Variants in ROBO2 observed in about 807,000 individuals in gnomAD.
ROBO2 encodes the protein roundabout guidance receptor 2.
A neutral mutation model predicts 160.8 loss-of-function variants in ROBO2; 53 were observed. That is an observed-to-expected ratio of 0.33 (90% CI 0.26 to 0.41). The LOEUF is 0.41. Among genes scored for constraint, ROBO2 ranks in the 10% least tolerant of loss-of-function variants. ROBO2 has a pLI of 1.00. For missense variants in ROBO2, 1,577 were observed against 1,722.4 expected, an observed-to-expected ratio of 0.92 and a Z score of 1.49; for synonymous variants, 664 against 611.7, an observed-to-expected ratio of 1.09 and a Z score of -1.26.
At chr3:76,478,042 T>TATTATA (rs2079019081) in intron 2 of ROBO2, among the ~76,000 whole-genome samples, 1 of 151,196 alleles carries the variant, frequency 6.6e-6, no homozygotes, top group African/African-American at 2.4e-5. Context: ...TTATTATTAT[T>TATTATA]ATACTTTAAG....
intron 2 of ROBO2, among the ~76,000 whole-genome samples, chr3:77,014,895 G>A (rs1262415876): frequency 6.6e-6 from 1 of 151,944 alleles, no homozygotes. Context: ...TATTAATTAT[G>A]TTTTCATTTA....
chr3:77,106,730 T>A (rs144776708), intron 2 of ROBO2, among the ~76,000 whole-genome samples: 192 of 152,338 alleles, frequency 1.3e-3, no homozygotes, highest in Middle Eastern at 3.4e-3. Context: ...CTCCACTATA[T>A]ACCATTAGAA....
chr3:76,765,415 T>C (rs1218472139), intron 2 of ROBO2, among the ~76,000 whole-genome samples: 1 of 151,642 alleles, frequency 6.6e-6, no homozygotes, highest in Non-Finnish European at 1.5e-5. Flanking sequence ...TTGAAAATTC[T>C]TTGATACTCC....
At chr3:76,506,428 C>G (rs139721205) in intron 2 of ROBO2, among the ~76,000 whole-genome samples, 91 of 152,178 alleles carry the variant, frequency 6.0e-4, no homozygotes, top group African/African-American at 2.1e-3. Flanking sequence ...TTCAATGTAT[C>G]CTTCGTTTTC....
chr3:77,167,475 T>G (rs2079200397), intron 2 of ROBO2, among the ~76,000 whole-genome samples: 1 of 152,192 alleles, frequency 6.6e-6, no homozygotes, highest in Non-Finnish European at 1.5e-5. Context: ...CTTTATCTGT[T>G]GCATCCTTTA....
intron 2 of ROBO2, among the ~76,000 whole-genome samples, chr3:77,391,265 T>C (rs1034614943): frequency 6.6e-6 from 1 of 152,126 alleles, no homozygotes; most frequent in Non-Finnish European, 1.5e-5. Context: ...ACCTTTGAAA[T>C]TTGCATTATA....
At chr3:77,252,447 T>G (rs976604116) in intron 2 of ROBO2, among the ~76,000 whole-genome samples, 4 of 152,194 alleles carry the variant, frequency 2.6e-5, no homozygotes, top group African/African-American at 9.7e-5. Flanking sequence ...AGCTTATTCA[T>G]GAATCAATTC....
chr3:76,939,123 G>A (rs2077976631), intron 2 of ROBO2, among the ~76,000 whole-genome samples: 1 of 152,094 alleles, frequency 6.6e-6, no homozygotes, highest in Non-Finnish European at 1.5e-5. Flanking sequence ...GATATAATGA[G>A]TTACAGCTGC....
At chr3:76,006,555 T>C (rs1173588509) in intron 2 of ROBO2, among the ~76,000 whole-genome samples, 1 of 152,160 alleles carries the variant, frequency 6.6e-6, no homozygotes, top group Non-Finnish European at 1.5e-5. Flanking sequence ...AGCCAAAAGA[T>C]TTAAGTTCAA....
intron 2 of ROBO2, among the ~76,000 whole-genome samples, chr3:76,337,066 C>T (rs1203675621): frequency 1.3e-5 from 2 of 152,050 alleles, no homozygotes; most frequent in East Asian, 1.9e-4. Flanking sequence ...TTACAGTTAT[C>T]CATTTAAAAA....
chr3:76,219,101 G>T (rs1250706574), intron 2 of ROBO2, among the ~76,000 whole-genome samples: 1 of 152,164 alleles, frequency 6.6e-6, no homozygotes, highest in East Asian at 1.9e-4. Flanking sequence ...GGGAAAACTG[G>T]CTAGCCATAT....
chr3:76,537,087 T>G (rs6548433), intron 2 of ROBO2, among the ~76,000 whole-genome samples: 104,830 of 151,568 alleles, frequency 0.69, 36,588 homozygotes, highest in African/African-American at 0.79. Context: ...GAGTGGTCTG[T>G]GGAAGGGGAG....
chr3:76,256,749 G>A (rs139830715), intron 2 of ROBO2, among the ~76,000 whole-genome samples: 289 of 152,008 alleles, frequency 1.9e-3, no homozygotes, highest in African/African-American at 6.4e-3. Context: ...AGAAACACCC[G>A]AGACTGGGTA....
intron 2 of ROBO2, among the ~76,000 whole-genome samples, chr3:76,770,662 A>G (rs1211858874): frequency 6.6e-6 from 1 of 151,288 alleles, no homozygotes; most frequent in Admixed American, 6.6e-5. Context: ...CAAAGAATGT[A>G]AAGGAGAAAG....
chr3:76,540,559 C>T (rs769516976), intron 2 of ROBO2, among the ~76,000 whole-genome samples: 8 of 152,122 alleles, frequency 5.3e-5, no homozygotes, highest in Non-Finnish European at 1.2e-4. Flanking sequence ...TATCCAGAGA[C>T]TGAGCAAGTT....
intron 2 of ROBO2, among the ~76,000 whole-genome samples, chr3:76,457,807 T>C (rs906087121): frequency 2.0e-5 from 3 of 152,152 alleles, no homozygotes; most frequent in African/African-American, 7.2e-5. Context: ...CAACACCACA[T>C]GGAAGTTGCC....
At chr3:77,413,446 A>G (rs1377168105) in intron 2 of ROBO2, among the ~76,000 whole-genome samples, 1 of 152,100 alleles carries the variant, frequency 6.6e-6, no homozygotes, top group Non-Finnish European at 1.5e-5. Flanking sequence ...CTCTTTGGGA[A>G]CTTTGGCTTT....
intron 1 of ROBO2, among the ~76,000 whole-genome samples, chr3:77,071,084 T>C (rs892036825): frequency 1.3e-5 from 2 of 152,218 alleles, no homozygotes; most frequent in African/African-American, 4.8e-5. Flanking sequence ...CAGAAGGTTA[T>C]GCTGTGAAAG....
At chr3:76,067,074 A>T (rs2068278018) in intron 2 of ROBO2, among the ~76,000 whole-genome samples, 1 of 152,156 alleles carries the variant, frequency 6.6e-6, no homozygotes, top group Admixed American at 6.5e-5. Flanking sequence ...TGGCTGACCT[A>T]GGAAGCCCAA....
Sources: gnomAD v4.1 joint callset for allele counts (sites outside exome capture counted in the v4.1 genomes callset) on GRCh38, gnomAD v4.1.1 for gene constraint, MANE v1.5 for transcripts, NCBI Gene and HGNC (gene_info 2026-07-23, HGNC 2026-07-21) for gene names.